The following SH3D19 variants were observed in gnomAD, a reference collection of about 807,000 sequenced individuals.
SH3D19 encodes SH3 domain-containing protein 19.
Under a neutral mutation model 112.1 loss-of-function variants are expected in SH3D19, and 58 were observed. That is an observed-to-expected ratio of 0.52 (90% CI 0.42 to 0.64). The LOEUF (loss-of-function observed/expected upper bound fraction) is 0.64, where lower values mean the gene tolerates loss of function less well. Ranked by LOEUF, SH3D19 falls within the 30% of genes least tolerant of loss-of-function variation. The probability of loss-of-function intolerance (pLI) is 0.00; values close to 1 mark genes in which losing one functional copy is unlikely to be tolerated. For synonymous variants in SH3D19, 391 were observed against 448.5 expected (o/e 0.87, Z 1.62); for missense variants, 1,090 against 1,263.4 (o/e 0.86, Z 2.08).
At chr4:151,167,658 C>G (rs189651804) in intron 7 of SH3D19, among the ~76,000 whole-genome samples, 1 of 152,330 alleles carries the variant, frequency 6.6e-6, no homozygotes, top group African/African-American at 2.4e-5. Context: ...TCCGCCCTGT[C>G]TGGGACGTGA....
At chr4:151,245,631 C>T (rs1447536297) in intron 1 of SH3D19, among the ~76,000 whole-genome samples, 2 of 152,132 alleles carry the variant, frequency 1.3e-5, no homozygotes, top group Non-Finnish European at 2.9e-5. Flanking sequence ...GAGATGGAGT[C>T]TCACTCTGTC....
intron 17 of SH3D19, among the ~76,000 whole-genome samples, chr4:151,129,055 A>T (rs963026481): frequency 6.6e-6 from 1 of 152,252 alleles, no homozygotes; most frequent in Non-Finnish European, 1.5e-5. Flanking sequence ...AAAGTATGTA[A>T]TTATCAGTGA....
At chr4:151,273,589 C>CAAAAAAAAAAAAA (rs60600816) in intron 1 of SH3D19, among the ~76,000 whole-genome samples, 25 of 64,638 alleles carry the variant, frequency 3.9e-4, no homozygotes, top group East Asian at 1.9e-3. Context: ...GACTCCATCT[C>CAAAAAAAAAAAAA]AAAAAAAAAA....
intron 2 of SH3D19, among the ~76,000 whole-genome samples, chr4:151,198,302 CTCAA>C (rs1763791416): frequency 1.1e-5 from 1 of 94,142 alleles, no homozygotes; most frequent in Admixed American, 1.6e-4. Flanking sequence ...GAGACTCTGT[CTCAA>C]AAAAAAAAAA....
At chr4:151,156,798 AAAAAT>A (rs1756193799) in intron 9 of SH3D19, among the ~76,000 whole-genome samples, 1 of 152,222 alleles carries the variant, frequency 6.6e-6, no homozygotes, top group African/African-American at 2.4e-5. Flanking sequence ...CAACAAAAGT[AAAAAT>A]AAACAAATGG....
chr4:151,132,751 G>A (rs1006138690), intron 16 of SH3D19, among the ~76,000 whole-genome samples: 5 of 152,012 alleles, frequency 3.3e-5, no homozygotes, highest in African/African-American at 9.7e-5. Flanking sequence ...TCCGCCCACC[G>A]TGGCCTCTCA....
intron 1 of SH3D19, among the ~76,000 whole-genome samples, chr4:151,282,640 T>C (rs766228681): frequency 1.4e-4 from 21 of 152,218 alleles, no homozygotes; most frequent in Admixed American, 2.6e-4. Context: ...GAAGAGCAGA[T>C]ACTAACAATT....
chr4:151,175,063 G>C lies in SH3D19; in HGVS notation c.1141C>G (p.Pro381Ala). 6.2e-7 allele frequency: 1 copy of C among 1,614,166 alleles called. No individual in the cohort carries two copies. The highest frequency in any genetic ancestry group is 8.5e-7 in the Non-Finnish European group (1 of 1,180,034). The change falls in exon 7 of 20, where the codon CCT (proline) becomes GCT (alanine). Residue 381 changes from proline (P) to alanine (A), a missense_variant. Transcript: ENST00000604030. ...QEAGSIPVTK[P>A]ELPKKPNPGL... The stretch of plus-strand genomic sequence containing the variant: ...GGGTTTGGTTTCTTTGGCAATTCAG[G>C]TTTGGTTACTGGGATGCTTCCCGCT...
At chr4:151,301,181 C>A (rs1254808378) in intron 1 of SH3D19, among the ~76,000 whole-genome samples, 4 of 152,156 alleles carry the variant, frequency 2.6e-5, no homozygotes, top group Non-Finnish European at 5.9e-5. Context: ...TAACACCATC[C>A]CCCATTGGGG....
At chr4:151,275,148 G>A (rs1181729957) in intron 1 of SH3D19, among the ~76,000 whole-genome samples, 4 of 150,876 alleles carry the variant, frequency 2.7e-5, no homozygotes, top group East Asian at 2.0e-4. Flanking sequence ...GTGCAGTGGC[G>A]CGATCTCGGC....
chr4:151,309,221 CAGCTAAGGTG>C (rs1729207681), intron 1 of SH3D19, among the ~76,000 whole-genome samples: 2 of 152,212 alleles, frequency 1.3e-5, no homozygotes, highest in Non-Finnish European at 2.9e-5. Flanking sequence ...AAGCCTCCAT[CAGCTAAGGTG>C]AGCATGCCCA....
At chr4:151,303,727 A>C (rs1266254677) in intron 1 of SH3D19, among the ~76,000 whole-genome samples, 2 of 152,172 alleles carry the variant, frequency 1.3e-5, no homozygotes, top group Non-Finnish European at 2.9e-5. Flanking sequence ...CTTGGATATC[A>C]TGTTTTGAAA....
At chr4:151,239,250 T>C (rs1220789639) in intron 1 of SH3D19, among the ~76,000 whole-genome samples, 1 of 152,150 alleles carries the variant, frequency 6.6e-6, no homozygotes, top group Non-Finnish European at 1.5e-5. Context: ...TACGATAAGG[T>C]TCTTTAAGAC....
At chr4:151,171,357 A>T (rs1370216957) in intron 7 of SH3D19, among the ~76,000 whole-genome samples, 1 of 152,162 alleles carries the variant, frequency 6.6e-6, no homozygotes, top group Non-Finnish European at 1.5e-5. Flanking sequence ...TCTATCACAG[A>T]CTGCTCTTGC....
At chr4:151,132,528 C>T (rs1579664977) in intron 16 of SH3D19, 145 bp from the exon 17 acceptor site, 4 of 672,718 alleles carry the variant, frequency 5.9e-6, no homozygotes, top group East Asian at 2.7e-5. Context: ...GTCTATGTTG[C>T]GTTAACCTGT....
chr4:151,240,973 C>T (rs1330443284), intron 1 of SH3D19, among the ~76,000 whole-genome samples: 1 of 151,840 alleles, frequency 6.6e-6, no homozygotes, highest in African/African-American at 2.4e-5. Flanking sequence ...AAGTACTGGT[C>T]CATGCCACAC....
At chr4:151,125,602 C>G (rs1471523769) in intron 19 of SH3D19, among the ~76,000 whole-genome samples, 2 of 151,196 alleles carry the variant, frequency 1.3e-5, no homozygotes, top group Non-Finnish European at 2.9e-5. Context: ...ACCTGTAACC[C>G]CAGCACTTTT....
chr4:151,238,529 C>G (rs1220221038), intron 1 of SH3D19, among the ~76,000 whole-genome samples: 2 of 152,054 alleles, frequency 1.3e-5, no homozygotes, highest in African/African-American at 2.4e-5. Context: ...AAAGTTATAC[C>G]TTTGTGTAGC....
intron 17 of SH3D19, among the ~76,000 whole-genome samples, chr4:151,131,664 A>AT (rs1351603903): frequency 2.6e-5 from 4 of 151,048 alleles, no homozygotes; most frequent in African/African-American, 9.7e-5. Flanking sequence ...TTTTTTTTGT[A>AT]TTTTTAGTAG....
Sources: allele counts gnomAD v4.1 joint callset (sites outside exome capture counted in the v4.1 genomes callset), GRCh38; gene constraint gnomAD v4.1.1; transcripts MANE v1.5; gene names NCBI Gene and HGNC (gene_info 2026-07-23, HGNC 2026-07-21).